SCHIP1: variants seen among roughly 807,000 people sequenced by gnomAD.
SCHIP1 encodes the protein schwannomin-interacting protein 1.
SCHIP1 carries 8 observed loss-of-function variants against 29.7 expected under a neutral mutation model. That is an observed-to-expected ratio of 0.27 (90% CI 0.16 to 0.49). The LOEUF is 0.49. SCHIP1 is among the 20% of genes least tolerant of loss of function. SCHIP1 has a pLI of 0.99. For synonymous variants in SCHIP1, 76 were observed against 94.9 expected (o/e 0.80, Z 1.16); for missense variants, 193 against 294.6 (o/e 0.66, Z 2.52).
At chr3:159,673,546 G>C in the SCHIP1 span, among the ~76,000 whole-genome samples, 1 of 152,150 alleles carries the variant, frequency 6.6e-6, no homozygotes, top group Non-Finnish European at 1.5e-5. Flanking sequence ...CAGGTTCCTG[G>C]AGGAAAGAAC....
chr3:159,683,918 T>TTC, the SCHIP1 span, among the ~76,000 whole-genome samples: 1,508 of 150,808 alleles, frequency 1.0e-2, 25 homozygotes, highest in African/African-American at 0.034. Context: ...TGTGTAAAAC[T>TTC]TCTCTCTCTC....
chr3:159,777,719 C>T, the SCHIP1 span, among the ~76,000 whole-genome samples: 2 of 152,128 alleles, frequency 1.3e-5, no homozygotes, highest in Admixed American at 1.3e-4. Context: ...CATCTGAGAC[C>T]ACTTAATTCC....
chr3:159,619,618 G>T, the SCHIP1 span, among the ~76,000 whole-genome samples: 1 of 152,336 alleles, frequency 6.6e-6, no homozygotes, highest in Admixed American at 6.5e-5. Context: ...AAAGGCTGCA[G>T]ATTGTTTCTA....
At chr3:159,627,786 G>A in the SCHIP1 span, among the ~76,000 whole-genome samples, 89 of 152,308 alleles carry the variant, frequency 5.8e-4, no homozygotes, top group Non-Finnish European at 9.7e-4. Context: ...CCAAGATCCC[G>A]AAGAGAAGAG....
At chr3:159,276,110 C>CT in the SCHIP1 span, among the ~76,000 whole-genome samples, 103,909 of 151,932 alleles carry the variant, frequency 0.68, 36,157 homozygotes, top group Middle Eastern at 0.78. Flanking sequence ...GATTTTAACC[C>CT]TTTTGGCACT....
At chr3:159,745,074 C>T in the SCHIP1 span, among the ~76,000 whole-genome samples, 3 of 152,152 alleles carry the variant, frequency 2.0e-5, no homozygotes, top group Non-Finnish European at 4.4e-5. Context: ...CTCAGCCTGC[C>T]TTTCCCTATG....
the SCHIP1 span, among the ~76,000 whole-genome samples, chr3:159,689,114 G>GT: frequency 1.3e-5 from 2 of 152,132 alleles, no homozygotes; most frequent in East Asian, 1.9e-4. Context: ...ATTTAAAGTA[G>GT]TTTTTTCTAA....
At chr3:159,423,270 A>AAG in the SCHIP1 span, among the ~76,000 whole-genome samples, 1 of 152,236 alleles carries the variant, frequency 6.6e-6, no homozygotes, top group Non-Finnish European at 1.5e-5. Context: ...CTCACTCGGG[A>AAG]AGCTCAAGGG....
chr3:159,320,043 G>C, the SCHIP1 span, among the ~76,000 whole-genome samples: 1 of 152,184 alleles, frequency 6.6e-6, no homozygotes, highest in East Asian at 1.9e-4. Flanking sequence ...TTTGAGAGGT[G>C]ATCGGGTCAC....
chr3:159,667,739 G>C, the SCHIP1 span, among the ~76,000 whole-genome samples: 4 of 152,214 alleles, frequency 2.6e-5, no homozygotes, highest in African/African-American at 9.6e-5. Flanking sequence ...AGAGGACAGA[G>C]AGCTCTCTCA....
At chr3:159,747,574 G>A in the SCHIP1 span, among the ~76,000 whole-genome samples, 14 of 152,164 alleles carry the variant, frequency 9.2e-5, no homozygotes, top group African/African-American at 3.1e-4. Flanking sequence ...CATAAAGCAG[G>A]GACGACGTGC....
At chr3:159,769,542 G>C in the SCHIP1 span, among the ~76,000 whole-genome samples, 1 of 152,144 alleles carries the variant, frequency 6.6e-6, no homozygotes, top group Non-Finnish European at 1.5e-5. Context: ...CTGAGGTCAG[G>C]AGTTCGAGAC....
At chr3:159,828,295 T>C in the SCHIP1 span, among the ~76,000 whole-genome samples, 4 of 149,942 alleles carry the variant, frequency 2.7e-5, no homozygotes, top group African/African-American at 9.8e-5. Context: ...CAAAATTTTA[T>C]CAACTCTAGA....
At chr3:159,673,939 C>T in the SCHIP1 span, among the ~76,000 whole-genome samples, 1 of 152,176 alleles carries the variant, frequency 6.6e-6, no homozygotes. Context: ...TCCCAGTATG[C>T]TGCTCTCTCC....
the SCHIP1 span, among the ~76,000 whole-genome samples, chr3:159,734,391 C>T: frequency 2.0e-5 from 3 of 151,958 alleles, no homozygotes; most frequent in Non-Finnish European, 4.4e-5. Flanking sequence ...CCGCCCACCT[C>T]GGCCTCCCAA....
chr3:159,417,141 C>A, the SCHIP1 span, among the ~76,000 whole-genome samples: 24,956 of 152,160 alleles, frequency 0.16, 2,389 homozygotes, highest in South Asian at 0.37. Context: ...TGGTTCACTT[C>A]ACTTGGCAGA....
At chr3:159,620,111 C>A in the SCHIP1 span, among the ~76,000 whole-genome samples, 2 of 152,168 alleles carry the variant, frequency 1.3e-5, no homozygotes, top group African/African-American at 4.8e-5. Context: ...GGAGATAGAC[C>A]AGTGCCTCTG....
At chr3:159,324,768 T>TA in the SCHIP1 span, among the ~76,000 whole-genome samples, 1 of 152,186 alleles carries the variant, frequency 6.6e-6, no homozygotes, top group Non-Finnish European at 1.5e-5. Flanking sequence ...GTATTGATGA[T>TA]AGAGGCAGAG....
chr3:159,464,577 C>T, the SCHIP1 span, among the ~76,000 whole-genome samples: 201 of 152,228 alleles, frequency 1.3e-3, no homozygotes, highest in South Asian at 0.024. Flanking sequence ...ATAAAAGGTT[C>T]ATGGTAAAGA....
Sources: allele counts gnomAD v4.1 joint callset (sites outside exome capture counted in the v4.1 genomes callset), GRCh38; gene constraint gnomAD v4.1.1; transcripts MANE v1.5; gene names NCBI Gene and HGNC (gene_info 2026-07-23, HGNC 2026-07-21).